NAV2: variants seen among roughly 807,000 people sequenced by gnomAD.
The protein encoded by NAV2 is helicase, APC down-regulated 1.
NAV2 carries 54 observed loss-of-function variants against 223.2 expected under a neutral mutation model. That is an observed-to-expected ratio of 0.24 (90% CI 0.19 to 0.30). NAV2 has a LOEUF of 0.30. NAV2 is among the 10% of genes least tolerant of loss of function. The probability of loss-of-function intolerance (pLI) is 1.00; values close to 1 mark genes in which losing one functional copy is unlikely to be tolerated. For missense variants in NAV2, 2,806 were observed against 3,147.5 expected (o/e 0.89, Z 2.60); for synonymous variants, 1,279 against 1,239.3 (o/e 1.03, Z -0.67).
intron 1 of NAV2, among the ~76,000 whole-genome samples, chr11:19,828,089 A>G (rs1329533568): frequency 2.0e-5 from 3 of 152,182 alleles, no homozygotes; most frequent in Non-Finnish European, 4.4e-5. Flanking sequence ...CTGAGTTCGA[A>G]GCTGCAGTGA....
intron 1 of NAV2, among the ~76,000 whole-genome samples, chr11:19,811,923 G>T (rs938160084): frequency 2.6e-5 from 4 of 152,132 alleles, no homozygotes; most frequent in Non-Finnish European, 4.4e-5. Context: ...ACAGATACGC[G>T]TTGTCTTTAG....
chr11:19,868,851 A>C (rs1399806348), intron 3 of NAV2, 74 bp from the exon 4 acceptor site: 1 of 1,463,198 alleles, frequency 6.8e-7, no homozygotes, highest in East Asian at 2.3e-5. Flanking sequence ...CTGTTTTCCC[A>C]TTGTTCCTCA....
chr11:20,062,183 T>C (rs1289182665), intron 19 of NAV2, 124 bp from the exon 20 acceptor site: 5 of 598,278 alleles, frequency 8.4e-6, no homozygotes, highest in African/African-American at 1.9e-5. Context: ...AAAGGTTGTG[T>C]CAAGGTGAGA....
In NAV2 at chr11:19,694,898, A is replaced by ATGTTCC. The variant is rs1392115148; in HGVS notation, c.76-137584_76-137579dup. On this transcript the variant is annotated intron_variant, in intron 1 of 37. Coordinates refer to the NAV2 transcript ENST00000360655. Reference sequence around the variant, plus strand: ...GCCCAGTTCGGTGGGATCTGCTGACATGTTCCTCCACTGTCCCCGGAGCCT... The same window carrying ATGTTCC: ...GCCCAGTTCGGTGGGATCTGCTGACATGTTCCTGTTCCTCCACTGTCCCCGGAGCCT... Among the ~76,000 whole-genome samples, 5 of 152,258 alleles carry ATGTTCC rather than the reference A, an allele frequency of 3.3e-5. No homozygotes were observed. The South Asian group carries it at 1.0e-3, about 32-fold the overall frequency.
chr11:19,565,306 G>A (rs16936990), intron 1 of NAV2, among the ~76,000 whole-genome samples: 16,513 of 152,184 alleles, frequency 0.11, 1,230 homozygotes, highest in Non-Finnish European at 0.16. Flanking sequence ...GCACTGCCTC[G>A]AAACCCTTGG....
chr11:19,838,658 CTG>C (rs1260704962), intron 2 of NAV2, among the ~76,000 whole-genome samples: 1 of 152,234 alleles, frequency 6.6e-6, no homozygotes, highest in East Asian at 1.9e-4. Flanking sequence ...GGGTCTCACT[CTG>C]TCACCCAGGC....
At chr11:19,441,186 G>A (rs115424902) in intron 1 of NAV2, among the ~76,000 whole-genome samples, 251 of 152,282 alleles carry the variant, frequency 1.6e-3, no homozygotes, top group African/African-American at 5.8e-3. Context: ...AAAGGCCTTG[G>A]CAGGACAAAA....
chr11:19,371,124 C>T (rs1848454862), intron 1 of NAV2, among the ~76,000 whole-genome samples: 1 of 152,204 alleles, frequency 6.6e-6, no homozygotes, highest in Admixed American at 6.5e-5. Context: ...AAAAGTGAAA[C>T]AGCCAAAATA....
chr11:19,692,992 C>T (rs1349594171), intron 1 of NAV2, among the ~76,000 whole-genome samples: 1 of 152,268 alleles, frequency 6.6e-6, no homozygotes, highest in East Asian at 1.9e-4. Flanking sequence ...GCTGCCTGCC[C>T]AGGCTCTACA....
intron 24 of NAV2, among the ~76,000 whole-genome samples, chr11:20,078,383 T>A (rs2059891051): frequency 6.6e-6 from 1 of 152,246 alleles, no homozygotes; most frequent in East Asian, 1.9e-4. Context: ...CAACCCTTAA[T>A]TTCACTAGCA....
chr11:19,424,993 C>T (rs1009611691), intron 1 of NAV2, among the ~76,000 whole-genome samples: 8 of 152,192 alleles, frequency 5.3e-5, no homozygotes, highest in Admixed American at 5.2e-4. Flanking sequence ...TCCATTCAGT[C>T]AGTCATTCTA....
chr11:19,445,984 A>T (rs1851568770), intron 1 of NAV2, among the ~76,000 whole-genome samples: 1 of 152,156 alleles, frequency 6.6e-6, no homozygotes, highest in African/African-American at 2.4e-5. Context: ...TAGCTATGTC[A>T]TCCTGTCATA....
At chr11:19,414,076 C>T (rs549971167) in intron 1 of NAV2, among the ~76,000 whole-genome samples, 11 of 152,284 alleles carry the variant, frequency 7.2e-5, no homozygotes, top group African/African-American at 2.4e-4. Flanking sequence ...ACAAGATTAA[C>T]CTTAAATGTA....
chr11:19,910,886 A>G (rs1055955809), intron 6 of NAV2, among the ~76,000 whole-genome samples: 5 of 152,160 alleles, frequency 3.3e-5, no homozygotes, highest in African/African-American at 1.2e-4. Flanking sequence ...AAAAATAACC[A>G]AACACCACAT....
chr11:19,966,166 G>T (rs115162639), intron 10 of NAV2, among the ~76,000 whole-genome samples: 66 of 152,274 alleles, frequency 4.3e-4, no homozygotes, highest in African/African-American at 1.5e-3. Flanking sequence ...CTCCAGATTC[G>T]AGAGGAAGGT....
At chr11:19,663,114 C>T (rs534786222) in intron 1 of NAV2, among the ~76,000 whole-genome samples, 1 of 152,336 alleles carries the variant, frequency 6.6e-6, no homozygotes, top group Admixed American at 6.5e-5. Context: ...ATCACATCTG[C>T]TCACCTGGAA....
intron 1 of NAV2, among the ~76,000 whole-genome samples, chr11:19,651,571 C>T (rs971438213): frequency 7.9e-5 from 12 of 152,184 alleles, no homozygotes; most frequent in African/African-American, 2.9e-4. Context: ...GTCAAGATTC[C>T]CCTGTCAGCA....
chr11:19,485,692 G>A (rs2042420056), intron 1 of NAV2, among the ~76,000 whole-genome samples: 1 of 151,908 alleles, frequency 6.6e-6, no homozygotes. Flanking sequence ...ACAGTAAGAG[G>A]TAGGATGAGT....
chr11:20,012,205 T>C (rs2053615007), intron 11 of NAV2, among the ~76,000 whole-genome samples: 1 of 152,352 alleles, frequency 6.6e-6, no homozygotes, highest in Non-Finnish European at 1.5e-5. Context: ...CAGTTTACAT[T>C]GTGCTCTGAA....
Sources: allele counts gnomAD v4.1 joint callset (sites outside exome capture counted in the v4.1 genomes callset), GRCh38; gene constraint gnomAD v4.1.1; transcripts MANE v1.5; gene names NCBI Gene and HGNC (gene_info 2026-07-23, HGNC 2026-07-21).